JAK1: variants seen among roughly 807,000 people sequenced by gnomAD.
JAK1 encodes the protein Janus kinase 1.
In JAK1, 16 loss-of-function variants were observed where a neutral mutation model predicts 136.6. The observed-to-expected ratio is 0.12, with a 90% confidence interval of 0.08 to 0.18. The LOEUF is 0.18. Among genes scored for constraint, JAK1 ranks in the 10% least tolerant of loss-of-function variants. JAK1 has a pLI of 1.00. For missense variants in JAK1, 859 were observed against 1,450.1 expected (o/e 0.59, Z 6.62); for synonymous variants, 492 against 519.5 (o/e 0.95, Z 0.72).
intron 2 of JAK1, among the ~76,000 whole-genome samples, chr1:65,034,454 T>G (rs184200590): frequency 6.6e-6 from 1 of 152,226 alleles, no homozygotes; most frequent in Non-Finnish European, 1.5e-5. Flanking sequence ...GAAATGACTC[T>G]GAGTGCCAAA....
At chr1:64,886,410 C>A in intron 1 of JAK1, 69 bp from the exon 2 acceptor site, 1 of 858,992 alleles carries the variant, frequency 1.2e-6, no homozygotes, top group South Asian at 2.3e-5. Context: ...AGGGCATTTT[C>A]ATTAAGGAAG....
chr1:64,880,395 T>C (rs896947966), intron 3 of JAK1, among the ~76,000 whole-genome samples: 16 of 152,234 alleles, frequency 1.1e-4, no homozygotes, highest in African/African-American at 3.9e-4. Context: ...TAGATTTTCA[T>C]TCATAAAGTG....
Position 64,839,918 on chromosome 1 carries a change from C to T in JAK1, c.2650-123G>A, listed in dbSNP as rs1570609672. 1.4e-5 allele frequency: 10 copies of T among 737,660 alleles called. No individual in the cohort carries two copies. In the South Asian group the frequency reaches 1.8e-4, roughly 13 times the overall value. The allele number at this position is 737,660 out of a possible 1,614,324, so 45.7% of individuals were successfully genotyped here. ...CAGGGGTTCTCGCTGTCTGGCCTTG[C>T]AGGCAGAAGCCTCTCACCTGGACTG... is the stretch of plus-strand genomic sequence containing the variant. On this transcript the variant is annotated intron_variant, in intron 19 of 24. Coordinates refer to ENST00000342505, the MANE Select transcript of JAK1 (RefSeq NM_002227.4).
intron 1 of JAK1, among the ~76,000 whole-genome samples, chr1:64,925,025 G>C (rs576026215): frequency 1.1e-4 from 17 of 152,284 alleles, no homozygotes; most frequent in Non-Finnish European, 1.6e-4. Context: ...TTCATCAAGT[G>C]CAACAAATGT....
In JAK1 at chr1:64,956,274, T is replaced by G. The variant is rs1050311506; in HGVS notation, c.-78+10059A>C. On this transcript the variant is annotated intron_variant, in intron 1 of 24. Coordinates refer to ENST00000342505, the MANE Select transcript of JAK1 (RefSeq NM_002227.4). Reference sequence around the variant, plus strand: ...CCAAAACAGAGAAATCATCCATTATTATGATGATGGGTCAGAAAGAAAGAC... The same window carrying G: ...CCAAAACAGAGAAATCATCCATTATGATGATGATGGGTCAGAAAGAAAGAC... Among the ~76,000 whole-genome samples, 14 of 152,202 alleles carry G rather than the reference T, an allele frequency of 9.2e-5. No homozygotes were observed. In the South Asian group the frequency reaches 2.3e-3, roughly 25 times the overall value.
chr1:64,860,268 G>A lies in JAK1; in HGVS notation c.1177-6C>T, dbSNP rs1296913692. ...TGGGAAGAGAGCTTCAGTTCCTGTT[G>A]AGAGAGAAGAAATTCCCACGGTTAC... On this transcript the variant is annotated splice_region_variant and splice_polypyrimidine_tract_variant and intron_variant, in intron 8 of 24. Coordinates refer to ENST00000342505, the MANE Select transcript of JAK1 (RefSeq NM_002227.4). 4.4e-6 allele frequency: 7 copies of A among 1,598,674 alleles called. No homozygotes were observed. Among genetic ancestry groups the A allele is most frequent in the Non-Finnish European group, 6.0e-6 (7 of 1,170,752 alleles).
At chr1:64,886,759 C>CAT (rs926707648) in intron 1 of JAK1, among the ~76,000 whole-genome samples, 17 of 140,530 alleles carry the variant, frequency 1.2e-4, no homozygotes, top group Non-Finnish European at 2.1e-4. Context: ...TCTACACACA[C>CAT]ACACACACAC....
At position 64,841,357 on chromosome 1, in the gene JAK1, A is replaced by G; in HGVS notation, c.2555-18T>C. On this transcript the variant is annotated intron_variant, in intron 18 of 24. Coordinates refer to ENST00000342505, the MANE Select transcript of JAK1 (RefSeq NM_002227.4). ...ATCTGGATCTAACAGAAGAGAAAAG[A>G]AAACAGAGTGAAAGGCAGTCGATTG... 1 of 1,613,118 alleles carries G rather than the reference A, an allele frequency of 6.2e-7. No individual in the cohort carries two copies. Among genetic ancestry groups the G allele is most frequent in the Non-Finnish European group, 8.5e-7 (1 of 1,179,072 alleles).
rs1237746819 is a variant in JAK1 at position 65,064,144 on chromosome 1, ACTT to A, written c.-181+3457_-181+3459del. Among the ~76,000 whole-genome samples, 3 of 152,246 alleles carry A rather than the reference ACTT, an allele frequency of 2.0e-5. No individual in the cohort carries two copies. The East Asian group carries it at 5.8e-4, about 29-fold the overall frequency. ...TTAATTTGCGTTTGGATTTCAAAAC[ACTT>A]AGTTTCAAAAGTAGATGCGTAAGCT... On this transcript the variant is annotated intron_variant, in intron 1 of 25. Coordinates refer to the JAK1 transcript ENST00000671954.
At chr1:64,864,102 C>T (rs1219867779) in intron 8 of JAK1, among the ~76,000 whole-genome samples, 1 of 152,232 alleles carries the variant, frequency 6.6e-6, no homozygotes, top group Non-Finnish European at 1.5e-5. Context: ...ATCATTGTGA[C>T]ACAGTATCTG....
chr1:64,865,855 G>A (rs1305120053), intron 7 of JAK1, among the ~76,000 whole-genome samples: 1 of 152,092 alleles, frequency 6.6e-6, no homozygotes, highest in Non-Finnish European at 1.5e-5. Flanking sequence ...GACCTCCCAG[G>A]CTCAGGCGAT....
intron 1 of JAK1, among the ~76,000 whole-genome samples, chr1:64,934,918 G>A (rs1022897531): frequency 5.3e-5 from 8 of 152,208 alleles, no homozygotes; most frequent in African/African-American, 1.9e-4. Context: ...GGGTCCACTA[G>A]TAGGACCCTC....
chr1:64,833,733 C>T lies in JAK1; in HGVS notation c.*829G>A, dbSNP rs916445477. ...AAAACCAGTGCTGGAATAGCTTGCC[C>T]CAAAGTGGTAGAGTTATAAAAGGAT... On this transcript the variant is annotated 3_prime_UTR_variant, in exon 25 of 25. Transcript: ENST00000342505. The T allele has an allele frequency of 4.3e-6, 1 of 232,906 alleles. No individual in the cohort carries two copies. The allele number at this position is 232,906 out of a possible 1,614,324, so 14.4% of individuals were successfully genotyped here.
intron 1 of JAK1, among the ~76,000 whole-genome samples, chr1:64,937,693 G>A (rs1645814069): frequency 6.6e-6 from 1 of 152,124 alleles, no homozygotes; most frequent in Non-Finnish European, 1.5e-5. Context: ...CCTGGAAAAT[G>A]TTGACCTCAT....
rs1282090335 is a variant in JAK1, at chr1:64,836,238, A to C, written c.3141-23T>G. 7 of 1,395,922 alleles carry C rather than the reference A, an allele frequency of 5.0e-6. No homozygotes were observed. The South Asian group carries it at 7.0e-5, about 14-fold the overall frequency. 86.5% of individuals were successfully genotyped at this position (1,395,922 alleles called of 1,614,324 possible). The stretch of plus-strand genomic sequence containing the variant: ...TACCTTGAAAGGAAGCAGAACACAA[A>C]ACTTCATTTCCTGGGAGGCACACTC... On this transcript the variant is annotated intron_variant, in intron 22 of 24. Transcript: ENST00000342505.
chr1:64,841,790 C>G (rs890078291), intron 17 of JAK1, among the ~76,000 whole-genome samples, 189 bp from the exon 18 acceptor site: 1 of 152,154 alleles, frequency 6.6e-6, no homozygotes, highest in African/African-American at 2.4e-5. Flanking sequence ...ACTGAATAGT[C>G]CAAATTCAAG....
At chr1:65,006,392 C>T (rs1283337759) in intron 2 of JAK1, among the ~76,000 whole-genome samples, 2 of 152,114 alleles carry the variant, frequency 1.3e-5, no homozygotes, top group African/African-American at 2.4e-5. Flanking sequence ...TGGTCTTACT[C>T]TTTTGCCCAG....
At chr1:64,856,612 T>G (rs1398530702) in intron 10 of JAK1, among the ~76,000 whole-genome samples, 3 of 152,100 alleles carry the variant, frequency 2.0e-5, no homozygotes, top group Admixed American at 6.5e-5. Context: ...CATGCACCCC[T>G]CCATCGTAAA....
At chr1:64,926,928 G>A (rs1483759304) in intron 1 of JAK1, among the ~76,000 whole-genome samples, 1 of 152,204 alleles carries the variant, frequency 6.6e-6, no homozygotes, top group African/African-American at 2.4e-5. Flanking sequence ...AAGGCACTCA[G>A]CACAGTGTCT....
Sources: gnomAD v4.1 joint callset for allele counts (sites outside exome capture counted in the v4.1 genomes callset) on GRCh38, gnomAD v4.1.1 for gene constraint, MANE v1.5 for transcripts, NCBI Gene and HGNC (gene_info 2026-07-23, HGNC 2026-07-21) for gene names.